RREB1: variants seen among roughly 807,000 people sequenced by gnomAD.
RREB1 encodes ras responsive element binding protein 1, also known as ras-responsive element-binding protein 1.
A neutral mutation model predicts 117.8 loss-of-function variants in RREB1; 27 were observed. The observed-to-expected ratio is 0.23, with a 90% CI of 0.17 to 0.32. The LOEUF is 0.32. Ranked by LOEUF, RREB1 falls within the 10% of genes least tolerant of loss-of-function variation. RREB1 has a pLI of 1.00. For synonymous variants in RREB1, 1,298 were observed against 1,026.7 expected (o/e 1.26, Z -5.05); for missense variants, 2,577 against 2,378.2 (o/e 1.08, Z -1.74).
intron 1 of RREB1, among the ~76,000 whole-genome samples, chr6:7,165,301 G>A (rs1234209112): frequency 6.6e-6 from 1 of 152,174 alleles, no homozygotes; most frequent in East Asian, 1.9e-4. Flanking sequence ...TTGGAGGCTA[G>A]GCCCCTCCTA....
chr6:7,159,111 G>A (rs1763525886), intron 1 of RREB1, among the ~76,000 whole-genome samples: 1 of 152,022 alleles, frequency 6.6e-6, no homozygotes, highest in Admixed American at 6.6e-5. Flanking sequence ...GTGCATAGGG[G>A]GACTCAGATT....
At chr6:7,205,739 T>C (rs977516624) in intron 6 of RREB1, among the ~76,000 whole-genome samples, 1 of 152,194 alleles carries the variant, frequency 6.6e-6, no homozygotes, top group Non-Finnish European at 1.5e-5. Flanking sequence ...CTTCAGCCCT[T>C]GCACAGGGTG....
chr6:7,226,741 G>A (rs1767609385), intron 9 of RREB1, 85 bp downstream of exon 9: 3 of 1,044,472 alleles, frequency 2.9e-6, no homozygotes, highest in East Asian at 2.5e-5. Flanking sequence ...TCTCCTCAGG[G>A]TTTCTTTCCT....
chr6:7,165,651 C>T (rs1270220725), intron 1 of RREB1, among the ~76,000 whole-genome samples: 2 of 152,100 alleles, frequency 1.3e-5, no homozygotes, highest in East Asian at 1.9e-4. Flanking sequence ...TGTGTCTGAC[C>T]CATGGGGACT....
chr6:7,242,647 C>CT (rs1561806209), intron 11 of RREB1, among the ~76,000 whole-genome samples: 4 of 151,494 alleles, frequency 2.6e-5, no homozygotes, highest in Non-Finnish European at 5.9e-5. Flanking sequence ...TGGGTTCCCC[C>CT]CCCCCAGTGA....
At chr6:7,128,443 A>G (rs1288963668) in intron 1 of RREB1, among the ~76,000 whole-genome samples, 1 of 152,138 alleles carries the variant, frequency 6.6e-6, no homozygotes, top group Non-Finnish European at 1.5e-5. Context: ...TAGGGGAAGC[A>G]GAGCACCATG....
At chr6:7,163,114 G>GA (rs1409216087) in intron 1 of RREB1, among the ~76,000 whole-genome samples, 1 of 152,194 alleles carries the variant, frequency 6.6e-6, no homozygotes, top group African/African-American at 2.4e-5. Context: ...AGGAAGCCTT[G>GA]AAAGGACTAT....
Position 7,211,619 on chromosome 6 carries a change from A to C in RREB1, c.617A>C (p.Glu206Ala), listed in dbSNP as rs773517394. ...QSGDLEKKAD[E>A]VFHCPVCFKE... ...GGTGACTTGGAGAAGAAAGCTGATG[A>C]AGTCTTTCACTGCCCAGTATGTTTC... Residue 206 changes from glutamate to alanine, a missense_variant, in exon 8 of 13, where the codon GAA (glutamate) becomes GCA (alanine). Transcript: ENST00000379938. 3.1e-6 allele frequency: 5 copies of C among 1,613,902 alleles called. No homozygotes were observed. In the South Asian group the frequency reaches 4.4e-5, roughly 14 times the overall value.
At position 7,240,600 on chromosome 6, in the gene RREB1, C is replaced by T; in HGVS notation, c.3971C>T (p.Thr1324Ile). 1 of 1,608,768 alleles carries T rather than the reference C, an allele frequency of 6.2e-7. No individual in the cohort carries two copies. Among genetic ancestry groups the T allele is most frequent in the Non-Finnish European group, 8.5e-7 (1 of 1,176,984 alleles). Reference sequence around the variant, plus strand: ...AGTGATGTTGGATCCCATGATAGCACAGGTAGTGCCGCCAGGTGAACAAGA... The same window carrying T: ...AGTGATGTTGGATCCCATGATAGCATAGGTAGTGCCGCCAGGTGAACAAGA... ...KESDVGSHDS[T>I]DSQSDAETAA... is the part of the protein sequence containing the mutation. The change falls in exon 11 of 13, where the codon ACA (threonine) becomes ATA (isoleucine). Residue 1324 changes from threonine (T) to isoleucine (I), a missense_variant and splice_region_variant. By Grantham distance (89) the Thr-to-Ile change is moderately conservative (BLOSUM62 -1). Transcript: ENST00000379938.
intron 1 of RREB1, among the ~76,000 whole-genome samples, chr6:7,118,964 A>AT (rs940501505): frequency 3.8e-4 from 58 of 151,542 alleles, no homozygotes; most frequent in African/African-American, 1.3e-3. Context: ...TGGTGTTATT[A>AT]TTTTTTTAAC....
At chr6:7,190,313 A>G (rs1473660079) in intron 6 of RREB1, among the ~76,000 whole-genome samples, 1 of 151,998 alleles carries the variant, frequency 6.6e-6, no homozygotes, top group African/African-American at 2.4e-5. Context: ...CTTTCATGCT[A>G]TTTTGACCCC....
At position 7,221,418 on chromosome 6, in the gene RREB1, C is replaced by T. The variant is rs902171475; in HGVS notation, c.708-5049C>T. On this transcript the variant is annotated intron_variant, in intron 8 of 12. Transcript: ENST00000379938. ...CGATCTCCTGACCTCATGATCCACC[C>T]GCCTCGGCCTCCCAAAGTGCTGGGA... Among the ~76,000 whole-genome samples the T allele has an allele frequency of 5.3e-5, 8 of 152,202 alleles. No individual in the cohort carries two copies. The South Asian group carries it at 8.3e-4, about 16-fold the overall frequency.
rs1474033272 is a variant in RREB1 at position 7,230,338 on chromosome 6, G to A, written c.2239G>A (p.Ala747Thr). The A allele has an allele frequency of 6.3e-7, 1 of 1,589,370 alleles. No homozygotes were observed. Among genetic ancestry groups the A allele is most frequent in the Middle Eastern group, 1.7e-4 (1 of 6,030 alleles). ...VSSSAAELVDAFCAPDTVCRL... is the reference protein window; with the variant it reads ...VSSSAAELVDTFCAPDTVCRL... Reference sequence around the variant, plus strand: ...TAGCAGCGCGGCCGAGCTGGTGGACGCCTTCTGCGCCCCGGACACCGTGTG... The same window carrying A: ...TAGCAGCGCGGCCGAGCTGGTGGACACCTTCTGCGCCCCGGACACCGTGTG... Residue 747 changes from alanine to threonine, a missense_variant, in exon 10 of 13, where the codon GCC becomes ACC. Physicochemically the swap from Ala to Thr is moderately conservative, Grantham distance 58. Coordinates refer to ENST00000379938, the MANE Select transcript of RREB1 (RefSeq NM_001003699.4).
intron 6 of RREB1, among the ~76,000 whole-genome samples, chr6:7,207,330 A>C (rs1766333326): frequency 6.6e-6 from 1 of 152,134 alleles, no homozygotes; most frequent in Admixed American, 6.5e-5. Context: ...ACTCATTTCT[A>C]CTCTCACCAA....
chr6:7,247,094 G>A lies in RREB1; in HGVS notation c.4644G>A (p.Lys1548=), dbSNP rs750126788. The part of the protein sequence containing the change: ...KRSSEKSDDD[K]KPKTDSPKSV... ...CCTCAGAGAAGAGCGACGATGACAA[G>A]AAACCAAAGACAGACTCCCCCAAAA... The change falls in exon 12 of 13, where the codon AAG becomes AAA. Residue 1548 remains lysine (K), a synonymous_variant. Transcript: ENST00000379938. 2.5e-6 allele frequency: 4 copies of A among 1,613,734 alleles called. No individual in the cohort carries two copies. Among genetic ancestry groups the A allele is most frequent in the African/African-American group, 2.7e-5 (2 of 74,914 alleles).
At chr6:7,128,131 G>A (rs1762013686) in intron 1 of RREB1, among the ~76,000 whole-genome samples, 1 of 152,142 alleles carries the variant, frequency 6.6e-6, no homozygotes. Flanking sequence ...AAGGGACTTG[G>A]ATGGGAGGGT....
At chr6:7,248,422 C>A in intron 12 of RREB1, 89 bp from the exon 13 acceptor site, 1 of 1,166,798 alleles carries the variant, frequency 8.6e-7, no homozygotes, top group Non-Finnish European at 1.2e-6. Context: ...CGCACATAGC[C>A]TGGGAGCCTC....
rs563457145 is a variant in RREB1 at position 7,178,757 on chromosome 6, A to G, written c.-166+1984A>G. Among the ~76,000 whole-genome samples the G allele has an allele frequency of 1.3e-4, 20 of 151,928 alleles. No individual in the cohort carries two copies. In the South Asian group the frequency reaches 4.1e-3, roughly 32 times the overall value. On this transcript the variant is annotated intron_variant, in intron 2 of 12. Transcript: ENST00000379938. ...AGAGATGAGTCTCTATTTTTTTTTA[A>G]TTGTTATTTACTTAAAATAGGAAAA... is the stretch of plus-strand genomic sequence containing the variant.
rs562215416 is a variant in RREB1 at position 7,197,021 on chromosome 6, A to G, written c.425+7699A>G. On this transcript the variant is annotated intron_variant, in intron 6 of 12. Coordinates refer to ENST00000379938, the MANE Select transcript of RREB1 (RefSeq NM_001003699.4). ...TTGAGTGGTGCTCGTCTTCCAAAAC[A>G]AACTTGGGAAACTGAGCCAGAGCAC... is the stretch of plus-strand genomic sequence containing the variant. Among the ~76,000 whole-genome samples, 5 of 152,312 alleles carry G rather than the reference A, an allele frequency of 3.3e-5. No homozygotes were observed. The South Asian group carries it at 1.0e-3, about 32-fold the overall frequency.
Sources: allele counts gnomAD v4.1 joint callset (sites outside exome capture counted in the v4.1 genomes callset), GRCh38; gene constraint gnomAD v4.1.1; transcripts MANE v1.5; gene names NCBI Gene and HGNC (gene_info 2026-07-23, HGNC 2026-07-21).